The following ENTREP2 variants were observed in gnomAD, a reference collection of about 807,000 sequenced individuals.
The protein encoded by ENTREP2 is endosomal transmembrane epsin interactor 2.
the ENTREP2 span, chr15:29,269,728 G>T: frequency 2.7e-5 from 41 of 1,491,834 alleles, no homozygotes; most frequent in Non-Finnish European, 3.5e-5. Context: ...AGGTGCCGGC[G>T]CACACTCCGG....
the ENTREP2 span, among the ~76,000 whole-genome samples, chr15:29,137,513 C>T: frequency 1.3e-5 from 2 of 152,112 alleles, no homozygotes; most frequent in Admixed American, 6.5e-5. Flanking sequence ...AGACTGCAGA[C>T]GGAAGGCTGC....
At chr15:29,352,551 T>G in the ENTREP2 span, among the ~76,000 whole-genome samples, 4 of 152,282 alleles carry the variant, frequency 2.6e-5, no homozygotes, top group Admixed American at 6.5e-5. Context: ...CACTCTTTCT[T>G]GTAACCGCTC....
the ENTREP2 span, among the ~76,000 whole-genome samples, chr15:29,346,178 G>C: frequency 6.6e-6 from 1 of 152,176 alleles, no homozygotes. Flanking sequence ...AAATCAGGGA[G>C]GGCAAGGGCA....
chr15:29,386,401 C>G, the ENTREP2 span, among the ~76,000 whole-genome samples: 1 of 152,094 alleles, frequency 6.6e-6, no homozygotes, highest in Non-Finnish European at 1.5e-5. Flanking sequence ...AGCGGGGCAC[C>G]GAAGAAGCGA....
chr15:29,554,787 C>T, the ENTREP2 span, among the ~76,000 whole-genome samples: 8 of 152,032 alleles, frequency 5.3e-5, no homozygotes, highest in Non-Finnish European at 1.0e-4. Context: ...GCAAACGGTT[C>T]AGCCTGTCCT....
At chr15:29,554,161 A>C in the ENTREP2 span, among the ~76,000 whole-genome samples, 2 of 151,894 alleles carry the variant, frequency 1.3e-5, no homozygotes, top group Non-Finnish European at 2.9e-5. Flanking sequence ...AAAAATACAA[A>C]AGTTAGCTGC....
chr15:29,526,637 A>G, the ENTREP2 span, among the ~76,000 whole-genome samples: 7 of 151,758 alleles, frequency 4.6e-5, no homozygotes, highest in East Asian at 1.4e-3. Flanking sequence ...ACTATAAAAA[A>G]ATTTTTTTTT....
the ENTREP2 span, among the ~76,000 whole-genome samples, chr15:29,669,045 A>G: frequency 6.6e-6 from 1 of 152,186 alleles, no homozygotes; most frequent in Non-Finnish European, 1.5e-5. Context: ...CAAAGGGCTA[A>G]AAATACAAAA....
the ENTREP2 span, among the ~76,000 whole-genome samples, chr15:29,140,893 G>A: frequency 6.6e-6 from 1 of 152,178 alleles, no homozygotes; most frequent in African/African-American, 2.4e-5. Context: ...GGTGACAAAG[G>A]TACACCTGTG....
chr15:29,452,224 C>A, the ENTREP2 span, among the ~76,000 whole-genome samples: 1 of 152,202 alleles, frequency 6.6e-6, no homozygotes, highest in African/African-American at 2.4e-5. Context: ...TTCTCAGCAG[C>A]ACTGGCACCT....
chr15:29,253,385 A>G, the ENTREP2 span, among the ~76,000 whole-genome samples: 1 of 151,580 alleles, frequency 6.6e-6, no homozygotes, highest in Non-Finnish European at 1.5e-5. Context: ...ATTTCTTGTA[A>G]TTTGGTGATT....
At chr15:29,318,041 G>A in the ENTREP2 span, among the ~76,000 whole-genome samples, 1 of 152,258 alleles carries the variant, frequency 6.6e-6, no homozygotes, top group Middle Eastern at 3.4e-3. Flanking sequence ...CTGATTAGAG[G>A]TGTAAATTTT....
chr15:29,368,337 A>ATAT, the ENTREP2 span, among the ~76,000 whole-genome samples: 22 of 146,186 alleles, frequency 1.5e-4, no homozygotes, highest in African/African-American at 5.1e-4. Flanking sequence ...CAAAAAAAAA[A>ATAT]ATATATATAT....
the ENTREP2 span, among the ~76,000 whole-genome samples, chr15:29,671,473 T>C: frequency 6.6e-6 from 1 of 152,166 alleles, no homozygotes; most frequent in African/African-American, 2.4e-5. Flanking sequence ...CTTGAACCTG[T>C]TCAATCTGAC....
the ENTREP2 span, among the ~76,000 whole-genome samples, chr15:29,244,552 T>C: frequency 6.6e-6 from 1 of 152,182 alleles, no homozygotes; most frequent in African/African-American, 2.4e-5. Context: ...AGCGTTGAGA[T>C]GGATATGGAA....
chr15:29,346,753 GTTTTC>G, the ENTREP2 span, among the ~76,000 whole-genome samples: 1 of 152,058 alleles, frequency 6.6e-6, no homozygotes, highest in Non-Finnish European at 1.5e-5. Context: ...TATTTAGTGA[GTTTTC>G]TTTTTTTAAA....
chr15:29,329,382 T>A, the ENTREP2 span, among the ~76,000 whole-genome samples: 6 of 150,784 alleles, frequency 4.0e-5, no homozygotes, highest in Non-Finnish European at 5.9e-5. Flanking sequence ...AAAAAAAGTA[T>A]GAATTGTTCA....
chr15:29,655,467 CAT>C, the ENTREP2 span, among the ~76,000 whole-genome samples: 2 of 152,294 alleles, frequency 1.3e-5, no homozygotes, highest in African/African-American at 2.4e-5. Context: ...TGTAACACAA[CAT>C]GTTTTGCTTT....
At chr15:29,657,410 T>C in the ENTREP2 span, among the ~76,000 whole-genome samples, 2 of 125,738 alleles carry the variant, frequency 1.6e-5, no homozygotes, top group African/African-American at 3.0e-5. Flanking sequence ...GTAGCAGCTA[T>C]AAAGAAGCAA....
Sources: allele counts gnomAD v4.1 joint callset (sites outside exome capture counted in the v4.1 genomes callset), GRCh38; gene constraint gnomAD v4.1.1; transcripts MANE v1.5; gene names NCBI Gene and HGNC (gene_info 2026-07-23, HGNC 2026-07-21).